The following VPS8 variants were observed in gnomAD, a reference collection of about 807,000 sequenced individuals.
The protein encoded by VPS8 is VPS8 subunit of CORVET complex.
VPS8 carries 129 observed loss-of-function variants against 216.4 expected under a neutral mutation model. The ratio of observed to expected loss-of-function variants is 0.60; its 90% confidence interval spans 0.52 to 0.69. The LOEUF (loss-of-function observed/expected upper bound fraction) is 0.69. Ranked by LOEUF, VPS8 falls within the 30% of genes least tolerant of loss-of-function variation. The probability of loss-of-function intolerance (pLI) is 0.00; values close to 1 mark genes in which losing one functional copy is unlikely to be tolerated. For synonymous variants in VPS8, 571 were observed against 565.4 expected, an observed-to-expected ratio of 1.01 and a Z score of -0.14; for missense variants, 1,531 against 1,683.5, an observed-to-expected ratio of 0.91 and a Z score of 1.59.
intron 3 of VPS8, among the ~76,000 whole-genome samples, 167 bp downstream of exon 3, chr3:184,826,398 A>G (rs1387051210): frequency 6.6e-6 from 1 of 152,226 alleles, no homozygotes; most frequent in Non-Finnish European, 1.5e-5. Context: ...TAAAAATTTA[A>G]TTCCTTGGCT....
chr3:184,928,148 A>G (rs373862420), intron 31 of VPS8, among the ~76,000 whole-genome samples: 5 of 152,210 alleles, frequency 3.3e-5, no homozygotes, highest in African/African-American at 1.2e-4. Flanking sequence ...TGAAAGATAT[A>G]TATGGACATT....
intron 29 of VPS8, among the ~76,000 whole-genome samples, chr3:184,922,181 A>G (rs982509513): frequency 2.6e-5 from 4 of 152,286 alleles, no homozygotes; most frequent in Admixed American, 1.3e-4. Context: ...CAAGTTCCTA[A>G]TCATTTTCCA....
intron 14 of VPS8, 45 bp from the exon 15 acceptor site, chr3:184,859,940 C>A: frequency 6.7e-7 from 1 of 1,487,334 alleles, no homozygotes; most frequent in South Asian, 1.2e-5. Flanking sequence ...AAAAAAGTCC[C>A]TCAAACAGTA....
chr3:184,868,349 A>G (rs1164093492), intron 18 of VPS8: 1 of 341,030 alleles, frequency 2.9e-6, no homozygotes. Flanking sequence ...TAGGAATTCC[A>G]TAAGCTTAAG....
intron 40 of VPS8, among the ~76,000 whole-genome samples, chr3:184,981,874 T>G (rs929795308): frequency 1.3e-5 from 2 of 152,222 alleles, no homozygotes; most frequent in Admixed American, 1.3e-4. Context: ...AGATAATACC[T>G]ACTGTATAAG....
chr3:184,887,038 T>G (rs1731409919), intron 22 of VPS8, among the ~76,000 whole-genome samples: 1 of 152,196 alleles, frequency 6.6e-6, no homozygotes, highest in African/African-American at 2.4e-5. Context: ...GTTTAAATTG[T>G]AACTATATAA....
chr3:184,917,961 C>T (rs1413171032), intron 28 of VPS8, among the ~76,000 whole-genome samples: 1 of 152,122 alleles, frequency 6.6e-6, no homozygotes, highest in Non-Finnish European at 1.5e-5. Flanking sequence ...AGAGGCTTCC[C>T]TCCTAATAAC....
At chr3:184,889,102 A>G (rs1731849564) in intron 22 of VPS8, among the ~76,000 whole-genome samples, 1 of 152,122 alleles carries the variant, frequency 6.6e-6, no homozygotes, top group Non-Finnish European at 1.5e-5. Context: ...TCTAACATTT[A>G]TTTCACCTAT....
In VPS8 at chr3:184,898,658, A is replaced by T; in HGVS notation, c.2094+4A>T. 1.3e-6 allele frequency: 2 copies of T among 1,536,150 alleles called. No homozygotes were observed. Among genetic ancestry groups the T allele is most frequent in the Non-Finnish European group, 1.8e-6 (2 of 1,139,496 alleles). On this transcript the variant is annotated splice_donor_region_variant and intron_variant, in intron 24 of 47. Transcript: ENST00000625842. Reference sequence around the variant, plus strand: ...TGAATTTATTAGTCCAATGGAGGTAAGATACTTCCTAACTTGGATACGTAA... The same window carrying T: ...TGAATTTATTAGTCCAATGGAGGTATGATACTTCCTAACTTGGATACGTAA...
intron 34 of VPS8, among the ~76,000 whole-genome samples, chr3:184,933,531 G>GTA (rs1056972697): frequency 6.6e-6 from 1 of 151,576 alleles, no homozygotes; most frequent in Non-Finnish European, 1.5e-5. Context: ...CGATCTTTGT[G>GTA]TGTGTGTGTG....
In VPS8 at chr3:185,048,488, G is replaced by A. The variant is rs1256017078; in HGVS notation, c.4066G>A (p.Glu1356Lys). 1 of 1,613,894 alleles carries A rather than the reference G, an allele frequency of 6.2e-7. No individual in the cohort carries two copies. Among genetic ancestry groups the A allele is most frequent in the Non-Finnish European group, 8.5e-7 (1 of 1,179,896 alleles). ...GGTTTTTATTTTTCAGGGAACCTCAGAACCTGTTCTGGATCCACAGCAAAT... is the reference window on the plus strand; with the variant it reads ...GGTTTTTATTTTTCAGGGAACCTCAAAACCTGTTCTGGATCCACAGCAAAT... ...GDPTAKKGTS[E>K]PVLDPQQIQA... Residue 1356 changes from glutamate to lysine, a missense_variant, in exon 47 of 48, where the codon GAA (glutamate) becomes AAA (lysine). Physicochemically the swap from Glu to Lys is moderately conservative, Grantham distance 56 (BLOSUM62 1). Coordinates refer to ENST00000625842, the MANE Select transcript of VPS8 (RefSeq NM_001009921.3).
At chr3:184,893,786 AT>A (rs1406416845) in intron 22 of VPS8, among the ~76,000 whole-genome samples, 1 of 152,244 alleles carries the variant, frequency 6.6e-6, no homozygotes, top group Non-Finnish European at 1.5e-5. Flanking sequence ...TCATTGTAGT[AT>A]CACTTGAAAT....
rs1742415041 is a variant in VPS8 at position 184,940,257 on chromosome 3, CT to C, written c.3035+17del. The C allele has an allele frequency of 1.6e-6, 2 of 1,261,072 alleles. No homozygotes were observed. The highest frequency in any genetic ancestry group is 2.1e-6 in the Non-Finnish European group (2 of 959,622). 78.1% of individuals were successfully genotyped at this position (1,261,072 alleles called of 1,614,324 possible). ...TCTTGACCCAAGGTATGTTGACAAA[CT>C]TTAGTCTTTCATTATATATATATAT... On this transcript the variant is annotated intron_variant, in intron 36 of 47. Coordinates refer to ENST00000625842, the MANE Select transcript of VPS8 (RefSeq NM_001009921.3).
At chr3:185,031,889 C>T (rs1428695884) in intron 46 of VPS8, among the ~76,000 whole-genome samples, 2 of 152,190 alleles carry the variant, frequency 1.3e-5, no homozygotes, top group African/African-American at 4.8e-5. Context: ...TGCAGCCGGG[C>T]TCGATGGCTG....
At chr3:184,924,641 G>A (rs1431177082) in intron 29 of VPS8, among the ~76,000 whole-genome samples, 1 of 152,126 alleles carries the variant, frequency 6.6e-6, no homozygotes, top group Non-Finnish European at 1.5e-5. Context: ...CATCCGAATT[G>A]TGATAGAAAT....
chr3:184,845,842 C>T (rs1052611789), intron 8 of VPS8, among the ~76,000 whole-genome samples: 1 of 151,144 alleles, frequency 6.6e-6, no homozygotes, highest in Admixed American at 6.6e-5. Context: ...ACATTTGTTA[C>T]ACTGTCCATC....
chr3:184,990,698 T>C (rs1751777044), intron 42 of VPS8, among the ~76,000 whole-genome samples: 1 of 152,234 alleles, frequency 6.6e-6, no homozygotes, highest in South Asian at 2.1e-4. Flanking sequence ...TTTAGGGCTT[T>C]TCTTCTGTAT....
intron 35 of VPS8, among the ~76,000 whole-genome samples, chr3:184,937,443 CTCT>C (rs1385139921): frequency 6.6e-6 from 1 of 152,210 alleles, no homozygotes; most frequent in Non-Finnish European, 1.5e-5. Flanking sequence ...CTTAGTGCTG[CTCT>C]ACTCTCTACC....
chr3:184,832,432 G>A (rs1037871001), intron 3 of VPS8, among the ~76,000 whole-genome samples: 3 of 152,286 alleles, frequency 2.0e-5, no homozygotes, highest in South Asian at 2.1e-4. Flanking sequence ...ACAGCTAACA[G>A]TAATCTGCAT....
Sources: gnomAD v4.1 joint callset for allele counts (sites outside exome capture counted in the v4.1 genomes callset) on GRCh38, gnomAD v4.1.1 for gene constraint, MANE v1.5 for transcripts, NCBI Gene and HGNC (gene_info 2026-07-23, HGNC 2026-07-21) for gene names.